The following DYNC1I1 variants were observed in gnomAD, a reference collection of about 807,000 sequenced individuals.
The protein encoded by DYNC1I1 is cytoplasmic dynein 1 intermediate chain 1.
A neutral mutation model predicts 86.6 loss-of-function variants in DYNC1I1; 43 were observed. That is an observed-to-expected ratio of 0.50 (90% confidence interval 0.39 to 0.64). The LOEUF (loss-of-function observed/expected upper bound fraction) is 0.64. Ranked by LOEUF, DYNC1I1 falls within the 30% of genes least tolerant of loss-of-function variation. DYNC1I1 has a pLI of 0.00. For synonymous variants in DYNC1I1, 262 were observed against 283.7 expected (o/e 0.92, Z 0.77); for missense variants, 604 against 788.8 (o/e 0.77, Z 2.81).
At chr7:96,044,297 G>A (rs1321305833) in intron 14 of DYNC1I1, among the ~76,000 whole-genome samples, 6 of 152,180 alleles carry the variant, frequency 3.9e-5, no homozygotes, top group Non-Finnish European at 7.3e-5. Context: ...AGAAACATCA[G>A]GACGGGAATA....
intron 1 of DYNC1I1, among the ~76,000 whole-genome samples, chr7:95,796,649 T>C (rs560084231): frequency 1.3e-5 from 2 of 152,238 alleles, no homozygotes; most frequent in East Asian, 3.9e-4. Context: ...CACTATTTCT[T>C]TTCCTAAAAA....
intron 9 of DYNC1I1, among the ~76,000 whole-genome samples, chr7:95,988,172 T>C (rs1387698845): frequency 6.6e-6 from 1 of 151,288 alleles, no homozygotes; most frequent in Non-Finnish European, 1.5e-5. Flanking sequence ...AGGTCTGGAG[T>C]TTGAGACCAG....
chr7:96,075,868 C>G (rs1167605356), intron 14 of DYNC1I1, among the ~76,000 whole-genome samples, 189 bp from the exon 15 acceptor site: 1 of 151,976 alleles, frequency 6.6e-6, no homozygotes, highest in Non-Finnish European at 1.5e-5. Context: ...GGCCCCCTCT[C>G]CCCCCGGTAT....
At chr7:95,968,393 G>C (rs138144227) in intron 6 of DYNC1I1, among the ~76,000 whole-genome samples, 1 of 152,222 alleles carries the variant, frequency 6.6e-6, no homozygotes, top group Non-Finnish European at 1.5e-5. Context: ...ATGACTCTTA[G>C]GTATGGAAGG....
rs142450531 is a variant in DYNC1I1 at position 95,927,209 on chromosome 7, C to A, written c.491-50303C>A. Among the ~76,000 whole-genome samples, 68 of 152,192 alleles carry A rather than the reference C, an allele frequency of 4.5e-4. 1 individual carries two copies. The East Asian group carries it at 0.013, about 29-fold the overall frequency. On this transcript the variant is annotated intron_variant, in intron 6 of 16. Coordinates refer to ENST00000447467, the MANE Select transcript of DYNC1I1 (RefSeq NM_001135556.2). ...AAAGCATCTAATACAAGTTAATGAA[C>A]TCTGCAACCATTTATACTAGCCCTA...
chr7:95,834,939 T>C (rs1200460476), intron 5 of DYNC1I1, among the ~76,000 whole-genome samples: 2 of 151,414 alleles, frequency 1.3e-5, no homozygotes, highest in Admixed American at 1.3e-4. Flanking sequence ...GATTCATTAA[T>C]TTTTTGAAGG....
At chr7:95,859,115 A>G (rs1789806188) in intron 5 of DYNC1I1, among the ~76,000 whole-genome samples, 1 of 148,430 alleles carries the variant, frequency 6.7e-6, no homozygotes, top group Non-Finnish European at 1.5e-5. Context: ...TCCATTTTTC[A>G]TTTTGTTTTT....
chr7:95,918,772 G>C (rs945439220), intron 6 of DYNC1I1, among the ~76,000 whole-genome samples: 1 of 152,136 alleles, frequency 6.6e-6, no homozygotes, highest in Non-Finnish European at 1.5e-5. Context: ...TTGCTTATTT[G>C]AAATTCTTCA....
intron 16 of DYNC1I1, among the ~76,000 whole-genome samples, chr7:96,086,862 A>G (rs1790696076): frequency 2.0e-5 from 3 of 152,224 alleles, no homozygotes; most frequent in Admixed American, 2.0e-4. Flanking sequence ...GGCCTACACA[A>G]TATATTTTAG....
chr7:95,979,072 G>A (rs1173998397), intron 7 of DYNC1I1, among the ~76,000 whole-genome samples: 2 of 152,164 alleles, frequency 1.3e-5, no homozygotes, highest in African/African-American at 2.4e-5. Flanking sequence ...GGGATTATAG[G>A]CGTGAACCAC....
At chr7:95,783,930 G>T (rs1276956005) in intron 1 of DYNC1I1, among the ~76,000 whole-genome samples, 1 of 152,182 alleles carries the variant, frequency 6.6e-6, no homozygotes, top group Non-Finnish European at 1.5e-5. Flanking sequence ...TGGTTTGAAA[G>T]AATAAATCCC....
intron 14 of DYNC1I1, among the ~76,000 whole-genome samples, chr7:96,074,122 T>C (rs1790252888): frequency 6.6e-6 from 1 of 152,248 alleles, no homozygotes; most frequent in Admixed American, 6.5e-5. Context: ...TTGATCATTT[T>C]GTTATCTCAA....
In DYNC1I1 at chr7:96,097,684, G is replaced by A; in HGVS notation, c.*91G>A. The A allele has an allele frequency of 6.4e-7, 1 of 1,558,086 alleles. No individual in the cohort carries two copies. Among genetic ancestry groups the A allele is most frequent in the Non-Finnish European group, 8.7e-7 (1 of 1,149,380 alleles). Reference sequence around the variant, plus strand: ...GTCTCTTGTATTCGGTGTCCATTCAGTATCAGTATTGCTGTGATATTTTGG... The same window carrying A: ...GTCTCTTGTATTCGGTGTCCATTCAATATCAGTATTGCTGTGATATTTTGG... On this transcript the variant is annotated 3_prime_UTR_variant, in exon 17 of 17. Coordinates refer to ENST00000447467, the MANE Select transcript of DYNC1I1 (RefSeq NM_001135556.2).
At chr7:96,010,516 A>G (rs1794250632) in intron 10 of DYNC1I1, among the ~76,000 whole-genome samples, 2 of 152,308 alleles carry the variant, frequency 1.3e-5, no homozygotes, top group South Asian at 2.1e-4. Flanking sequence ...AATGAAACCA[A>G]TAAAGTCCAT....
chr7:96,023,339 G>A (rs1248692993), intron 10 of DYNC1I1, among the ~76,000 whole-genome samples: 1 of 152,168 alleles, frequency 6.6e-6, no homozygotes, highest in Non-Finnish European at 1.5e-5. Flanking sequence ...AGGCATGATG[G>A]CTGGGGAGTG....
In DYNC1I1 at chr7:96,035,795, C is replaced by T. The variant is rs186574263; in HGVS notation, c.1364+43C>T. On this transcript the variant is annotated intron_variant, in intron 13 of 16. Transcript: ENST00000447467. ...TTACTGATGACATGTTCTTCATTTC[C>T]GAAAGTCTGTTATCACATTCTGGAT... 3.7e-4 allele frequency: 588 copies of T among 1,599,260 alleles called. 2 individuals carry two copies. In the African/African-American group the frequency reaches 5.0e-3, roughly 14 times the overall value.
rs557530065 is a variant in DYNC1I1 at position 96,104,041 on chromosome 7, A to G, written c.1543-5938A>G. Among the ~76,000 whole-genome samples, 3 of 152,274 alleles carry G rather than the reference A, an allele frequency of 2.0e-5. No individual in the cohort carries two copies. The South Asian group carries it at 6.2e-4, about 32-fold the overall frequency. ...TTAGTTTGCATATACTCGCTGACTAATGATTTTGAGCATGTTTCGTGTGAT... is the reference window on the plus strand; with the variant it reads ...TTAGTTTGCATATACTCGCTGACTAGTGATTTTGAGCATGTTTCGTGTGAT... On this transcript the variant is annotated intron_variant, in intron 16 of 16. Transcript: ENST00000537881.
intron 6 of DYNC1I1, among the ~76,000 whole-genome samples, chr7:95,876,536 G>A (rs1790313287): frequency 7.0e-6 from 1 of 142,454 alleles, no homozygotes; most frequent in Admixed American, 7.0e-5. Flanking sequence ...CTCTCTACTG[G>A]CAAAAAAAAT....
At chr7:95,847,407 T>G (rs1789462782) in intron 5 of DYNC1I1, among the ~76,000 whole-genome samples, 1 of 152,220 alleles carries the variant, frequency 6.6e-6, no homozygotes, top group Non-Finnish European at 1.5e-5. Context: ...GCTTGTAGGT[T>G]GTTTCTCAAT....
Sources: allele counts gnomAD v4.1 joint callset (sites outside exome capture counted in the v4.1 genomes callset), GRCh38; gene constraint gnomAD v4.1.1; transcripts MANE v1.5; gene names NCBI Gene and HGNC (gene_info 2026-07-23, HGNC 2026-07-21).